Variants in TMF1 observed in about 807,000 individuals in gnomAD.
TMF1 encodes TATA element modulatory factor 1, also known as TATA element modulatory factor.
A neutral mutation model predicts 126.5 loss-of-function variants in TMF1; 71 were observed. That is an observed-to-expected ratio of 0.56 (90% CI 0.46 to 0.68). The LOEUF (loss-of-function observed/expected upper bound fraction) is 0.68, where lower values mean the gene tolerates loss of function less well. Ranked by LOEUF, TMF1 falls within the 30% of genes least tolerant of loss-of-function variation. TMF1 has a pLI of 0.00. For missense variants in TMF1, 1,259 were observed against 1,253.2 expected, an observed-to-expected ratio of 1.00 and a Z score of -0.07; for synonymous variants, 461 against 430.5, an observed-to-expected ratio of 1.07 and a Z score of -0.88.
chr3:69,028,045 G>A, intron 12 of TMF1, 53 bp from the exon 13 acceptor site: 2 of 1,235,032 alleles, frequency 1.6e-6, no homozygotes, highest in East Asian at 2.3e-5. Context: ...TTCATGCCAT[G>A]ATAAGTCAAT....
At chr3:69,047,322 G>C (rs963078166) in intron 2 of TMF1, 36 bp downstream of exon 2, 3 of 1,512,868 alleles carry the variant, frequency 2.0e-6, no homozygotes, top group Admixed American at 4.7e-5. Flanking sequence ...TCTCCAAAAA[G>C]CACATCTAAA....
rs917372480 is a variant in TMF1, at chr3:69,021,090, A to T, written c.*2087T>A. 2.6e-5 allele frequency: 4 copies of T among 152,330 alleles called. No individual in the cohort carries two copies. The highest frequency in any genetic ancestry group is 3.4e-3 in the Middle Eastern group (1 of 294). 9.4% of individuals were successfully genotyped at this position (152,330 alleles called of 1,614,324 possible). A position where few individuals can be genotyped will look rare whatever the true frequency, so the allele number is the denominator to read the frequency against. ...CAGTCTGATTACAGGTGAGTACAGT[A>T]CAATAAGATATTTTGAGAGAAAGAG... On this transcript the variant is annotated 3_prime_UTR_variant, in exon 17 of 17. Coordinates refer to ENST00000398559, the MANE Select transcript of TMF1 (RefSeq NM_007114.3).
chr3:69,031,933 T>C (rs370339846), intron 10 of TMF1, among the ~76,000 whole-genome samples: 2 of 152,234 alleles, frequency 1.3e-5, no homozygotes, highest in African/African-American at 4.8e-5. Flanking sequence ...TCAAAAGATA[T>C]CATTTTCAGA....
chr3:69,048,630 T>A, intron 1 of TMF1, 68 bp from the exon 2 acceptor site: 1 of 1,315,974 alleles, frequency 7.6e-7, no homozygotes, highest in South Asian at 1.6e-5. Context: ...ATCATCATTA[T>A]AAATCAGTAT....
intron 15 of TMF1, chr3:69,024,804 T>TC (rs1222230392): frequency 8.6e-6 from 1 of 116,032 alleles, no homozygotes; most frequent in African/African-American, 2.8e-5. Context: ...TCAAATTTCT[T>TC]TTTTTTTTTT....
intron 6 of TMF1, among the ~76,000 whole-genome samples, chr3:69,039,243 G>A (rs971052260): frequency 2.6e-5 from 4 of 152,006 alleles, no homozygotes; most frequent in Admixed American, 6.6e-5. Context: ...GCACCACCAC[G>A]CCCGGCTAAT....
intron 15 of TMF1, chr3:69,025,243 T>C: frequency 4.8e-6 from 1 of 208,612 alleles, no homozygotes; most frequent in Non-Finnish European, 9.5e-6. Context: ...GGAGGAGGGA[T>C]TCTCTGCTCC....
chr3:69,040,903 C>T (rs2091860516), intron 5 of TMF1, among the ~76,000 whole-genome samples: 1 of 149,704 alleles, frequency 6.7e-6, no homozygotes, highest in Non-Finnish European at 1.5e-5. Flanking sequence ...GCCTGGACAA[C>T]ACAGTGAGAC....
intron 4 of TMF1, among the ~76,000 whole-genome samples, chr3:69,043,515 C>A (rs2091878847): frequency 6.6e-6 from 1 of 152,154 alleles, no homozygotes; most frequent in Non-Finnish European, 1.5e-5. Flanking sequence ...CCATGTTACC[C>A]AGGCTGCTCT....
rs2091854562 is a variant in TMF1 at position 69,039,982 on chromosome 3, A to C, written c.1685-289T>G. Among the ~76,000 whole-genome samples, 3 of 152,226 alleles carry C rather than the reference A, an allele frequency of 2.0e-5. No homozygotes were observed. In the South Asian group the frequency reaches 6.2e-4, roughly 31 times the overall value. On this transcript the variant is annotated intron_variant, in intron 5 of 16. Coordinates refer to ENST00000398559, the MANE Select transcript of TMF1 (RefSeq NM_007114.3). ...CAGTCAACTCCTTAACTAAGCATTC[A>C]GTTTTGGCATCACCAATTGTAGTAC... is the stretch of plus-strand genomic sequence containing the variant.
rs190403839 is a variant in TMF1 at position 69,038,142 on chromosome 3, C to T, written c.2151+422G>A. 3.5e-3 allele frequency among the ~76,000 whole-genome samples: 539 copies of T among 152,250 alleles called. 1 individual carries two copies. The highest frequency in any genetic ancestry group is 6.3e-3 in the Non-Finnish European group (426 of 68,026). On this transcript the variant is annotated intron_variant, in intron 8 of 16. Transcript: ENST00000398559. The stretch of plus-strand genomic sequence containing the variant: ...TAATAACCACAAAGTATAAATAACC[C>T]ATATGCCCATCAACTGATGATTTGA...
At chr3:69,035,872 C>A (rs1186138332) in intron 8 of TMF1, among the ~76,000 whole-genome samples, 11 of 151,990 alleles carry the variant, frequency 7.2e-5, no homozygotes, top group Non-Finnish European at 1.5e-5. Flanking sequence ...CACTAACACA[C>A]AAAACTGACA....
At chr3:69,030,967 C>T (rs1356228924) in intron 10 of TMF1, among the ~76,000 whole-genome samples, 1 of 152,164 alleles carries the variant, frequency 6.6e-6, no homozygotes, top group Non-Finnish European at 1.5e-5. Context: ...GTAGCTTTAT[C>T]TGTAATAGCC....
At position 69,028,248 on chromosome 3, in the gene TMF1, A is replaced by T. The variant is rs1270492670; in HGVS notation, c.2642T>A (p.Leu881His). 1 of 1,613,302 alleles carries T rather than the reference A, an allele frequency of 6.2e-7. No homozygotes were observed. The highest frequency in any genetic ancestry group is 1.3e-5 in the African/African-American group (1 of 75,050). The change falls in exon 12 of 17, where the codon CTT becomes CAT. Residue 881 changes from leucine (L) to histidine (H), a missense_variant. Leu to His is a moderately conservative substitution (Grantham distance 99). Coordinates refer to ENST00000398559, the MANE Select transcript of TMF1 (RefSeq NM_007114.3). ...ENLKDEYVRT[L>H]EETRKEKTLL... ...TACCTTTTCTTTCCTCGTCTCTTCAAGTGTTCTTACATATTCATCTTTTAG... is the reference window on the plus strand; with the variant it reads ...TACCTTTTCTTTCCTCGTCTCTTCATGTGTTCTTACATATTCATCTTTTAG...
intron 6 of TMF1, 56 bp downstream of exon 6, chr3:69,039,495 T>C (rs922688899): frequency 3.7e-5 from 57 of 1,553,328 alleles, no homozygotes; most frequent in Non-Finnish European, 4.8e-5. Context: ...CATGGCCAAC[T>C]GTTCATACAG....
intron 10 of TMF1, among the ~76,000 whole-genome samples, chr3:69,032,550 C>G (rs1185305556): frequency 6.6e-6 from 1 of 151,390 alleles, no homozygotes; most frequent in African/African-American, 2.4e-5. Flanking sequence ...TAATACTTTT[C>G]TTTTTATTAA....
chr3:69,048,723 G>A lies in TMF1; in HGVS notation c.143-161C>T. The A allele has an allele frequency of 7.8e-6, 5 of 637,298 alleles. No homozygotes were observed. In the South Asian group the frequency reaches 1.5e-4, roughly 19 times the overall value. The allele number at this position is 637,298 out of a possible 1,614,324, so 39.5% of individuals were successfully genotyped here. A position where few individuals can be genotyped will look rare whatever the true frequency, so the allele number is the denominator to read the frequency against. ...TCCTTGCTTACTACATCATTAAGTA[G>A]TTTCCAAGTTAATACAGGGACTTAC... On this transcript the variant is annotated intron_variant, in intron 1 of 16. Transcript: ENST00000398559.
rs2091724474 is a variant in TMF1, at chr3:69,020,695, GT to G, written c.*2481del. On this transcript the variant is annotated 3_prime_UTR_variant, in exon 17 of 17. Transcript: ENST00000398559. ...TTTAAGTTCACTTTAACTTACAGAA[GT>G]ATTGAGAGATCCAAGTGTTTAACAA... is the stretch of plus-strand genomic sequence containing the variant. 1 of 152,128 alleles carries G rather than the reference GT, an allele frequency of 6.6e-6. No individual in the cohort carries two copies. Among genetic ancestry groups the G allele is most frequent in the Non-Finnish European group, 1.5e-5 (1 of 68,006 alleles). The allele number at this position is 152,128 out of a possible 1,614,324, so 9.4% of individuals were successfully genotyped here.
intron 10 of TMF1, 174 bp from the exon 11 acceptor site, chr3:69,030,181 T>C (rs1321195598): frequency 8.1e-6 from 4 of 492,422 alleles, no homozygotes; most frequent in South Asian, 4.0e-5. Context: ...TCTTAACTTA[T>C]ACCTGCTTTA....
Sources: gnomAD v4.1 joint callset for allele counts (sites outside exome capture counted in the v4.1 genomes callset) on GRCh38, gnomAD v4.1.1 for gene constraint, MANE v1.5 for transcripts, NCBI Gene and HGNC (gene_info 2026-07-23, HGNC 2026-07-21) for gene names.